HK2: variants seen among roughly 807,000 people sequenced by gnomAD.
HK2 encodes the protein hexokinase 2, also known as hexokinase-2.
In HK2, 42 loss-of-function variants were observed where a neutral mutation model predicts 92.9. The observed-to-expected ratio is 0.45, with a 90% confidence interval of 0.35 to 0.58. HK2 has a LOEUF of 0.58. Ranked by LOEUF, HK2 falls within the 20% of genes least tolerant of loss-of-function variation. HK2 has a pLI of 0.00. For synonymous variants in HK2, 422 were observed against 468.0 expected (o/e 0.90, Z 1.27); for missense variants, 978 against 1,245.1 (o/e 0.79, Z 3.23).
chr2:74,849,054 G>A (rs1553446165), intron 1 of HK2, among the ~76,000 whole-genome samples: 1 of 152,312 alleles, frequency 6.6e-6, no homozygotes, highest in Admixed American at 6.5e-5. Flanking sequence ...TGCATACTTC[G>A]AAGTGGAGCC....
chr2:74,856,996 T>C (rs2103896304), intron 2 of HK2, among the ~76,000 whole-genome samples: 1 of 152,322 alleles, frequency 6.6e-6, no homozygotes, highest in Non-Finnish European at 1.5e-5. Context: ...CTTTCAAAAT[T>C]CTCATTGCTT....
intron 16 of HK2, among the ~76,000 whole-genome samples, 195 bp from the exon 17 acceptor site, chr2:74,889,050 C>T (rs964908547): frequency 3.3e-5 from 5 of 152,160 alleles, no homozygotes; most frequent in Admixed American, 2.0e-4. Flanking sequence ...TTCCTGTCAC[C>T]GTCAGGAAGA....
intron 3 of HK2, among the ~76,000 whole-genome samples, chr2:74,871,817 A>G (rs545065376): frequency 1.3e-5 from 2 of 152,280 alleles, no homozygotes; most frequent in African/African-American, 4.8e-5. Context: ...TGTCCCTGCA[A>G]ACCACCCCCC....
At chr2:74,846,014 G>T (rs933906970) in intron 1 of HK2, among the ~76,000 whole-genome samples, 1 of 152,228 alleles carries the variant, frequency 6.6e-6, no homozygotes, top group Non-Finnish European at 1.5e-5. Context: ...TAGGGCACTC[G>T]GCTGGTCACT....
intron 2 of HK2, among the ~76,000 whole-genome samples, chr2:74,864,514 G>GTT (rs34286902): frequency 6.7e-6 from 1 of 149,756 alleles, no homozygotes; most frequent in East Asian, 1.9e-4. Context: ...TCATTTGTTT[G>GTT]TTTTTTTTTT....
chr2:74,871,408 T>A (rs948130960), intron 3 of HK2, among the ~76,000 whole-genome samples: 102 of 152,234 alleles, frequency 6.7e-4, no homozygotes, highest in African/African-American at 2.2e-3. Flanking sequence ...CTCTGCTTAC[T>A]TTTTACACCT....
chr2:74,881,988 T>C (rs1689407174), intron 11 of HK2, 129 bp downstream of exon 11: 1 of 1,406,288 alleles, frequency 7.1e-7, no homozygotes, highest in Non-Finnish European at 1.0e-6. Flanking sequence ...CAGCCTGGTC[T>C]TGACTCAGGT....
In HK2 at chr2:74,860,550, A is replaced by G. The variant is rs1480887524; in HGVS notation, c.226+6095A>G. ...TTATGCAAGTCTTTTTTTATTTGTC[A>G]TAATGTGGGATTTATCTGTGTTGTG... On this transcript the variant is annotated intron_variant, in intron 2 of 17. Transcript: ENST00000290573. 5.9e-5 allele frequency among the ~76,000 whole-genome samples: 9 copies of G among 152,114 alleles called. No individual in the cohort carries two copies. In the East Asian group the frequency reaches 1.7e-3, roughly 29 times the overall value.
At chr2:74,841,489 G>C (rs987902727) in intron 1 of HK2, among the ~76,000 whole-genome samples, 1 of 152,140 alleles carries the variant, frequency 6.6e-6, no homozygotes, top group East Asian at 1.9e-4. Context: ...TCAGTTTTCA[G>C]GTGTATTGCT....
intron 2 of HK2, among the ~76,000 whole-genome samples, chr2:74,857,715 T>C (rs1045489672): frequency 6.6e-6 from 1 of 152,160 alleles, no homozygotes; most frequent in African/African-American, 2.4e-5. Context: ...CAAGTTTTGC[T>C]TTGTCAGTTG....
chr2:74,888,676 A>G (rs1689598512), intron 16 of HK2, among the ~76,000 whole-genome samples: 1 of 152,256 alleles, frequency 6.6e-6, no homozygotes, highest in South Asian at 2.1e-4. Context: ...CAGTGAATAG[A>G]AAGATATATT....
chr2:74,881,883 A>C (rs1479912876), intron 11 of HK2, 24 bp downstream of exon 11: 1 of 1,612,668 alleles, frequency 6.2e-7, no homozygotes, highest in Non-Finnish European at 8.5e-7. Flanking sequence ...CGCCTTCAGG[A>C]GGGGGCCCCT....
chr2:74,863,028 G>A (rs4853066), intron 2 of HK2, among the ~76,000 whole-genome samples: 28,553 of 152,232 alleles, frequency 0.19, 3,084 homozygotes, highest in Admixed American at 0.32. Context: ...AACATGCTCA[G>A]AGCTTACACA....
chr2:74,862,659 G>A (rs1018855829), intron 2 of HK2, among the ~76,000 whole-genome samples: 2 of 152,218 alleles, frequency 1.3e-5, no homozygotes, highest in African/African-American at 4.8e-5. Flanking sequence ...CTAGCACACA[G>A]CAAGTTAATT....
intron 1 of HK2, among the ~76,000 whole-genome samples, chr2:74,848,976 C>T (rs1362026421): frequency 1.3e-5 from 2 of 152,262 alleles, no homozygotes; most frequent in Admixed American, 6.5e-5. Context: ...CTTGCAGTCA[C>T]CTCCAGGCCT....
At chr2:74,875,651 G>A (rs910533924) in intron 7 of HK2, among the ~76,000 whole-genome samples, 1 of 152,154 alleles carries the variant, frequency 6.6e-6, no homozygotes, top group African/African-American at 2.4e-5. Flanking sequence ...CTTTGTCAAA[G>A]CATGGTTTAT....
chr2:74,885,588 A>G lies in HK2; in HGVS notation c.1934A>G (p.Glu645Gly). 6.2e-7 allele frequency: 1 copy of G among 1,606,426 alleles called. No homozygotes were observed. Among genetic ancestry groups the G allele is most frequent in the Non-Finnish European group, 8.5e-7 (1 of 1,173,102 alleles). Reference sequence around the variant, plus strand: ...CTGAAGGAAGCGATCCACCGGCGAGAGGTAGGAGACACATGGCACGAGGTC... The same window carrying G: ...CTGAAGGAAGCGATCCACCGGCGAGGGGTAGGAGACACATGGCACGAGGTC... ...TLLKEAIHRR[E>G]EFDLDVVAVV... is the part of the protein sequence containing the mutation. Residue 645 changes from glutamate to glycine, a missense_variant and splice_region_variant, in exon 13 of 18, where the codon GAG (glutamate) becomes GGG (glycine). Coordinates refer to ENST00000290573, the MANE Select transcript of HK2 (RefSeq NM_000189.5).
intron 1 of HK2, among the ~76,000 whole-genome samples, chr2:74,850,990 T>G (rs935519841): frequency 2.6e-5 from 4 of 152,208 alleles, no homozygotes; most frequent in African/African-American, 9.6e-5. Context: ...GGCCTGGACA[T>G]TTTTCACTGT....
chr2:74,883,123 T>G (rs963692807), intron 12 of HK2, among the ~76,000 whole-genome samples: 1 of 152,084 alleles, frequency 6.6e-6, no homozygotes, highest in African/African-American at 2.4e-5. Flanking sequence ...TGGAGACTGT[T>G]TTTAAGCAGT....
Sources: gnomAD v4.1 joint callset for allele counts (sites outside exome capture counted in the v4.1 genomes callset) on GRCh38, gnomAD v4.1.1 for gene constraint, MANE v1.5 for transcripts, NCBI Gene and HGNC (gene_info 2026-07-23, HGNC 2026-07-21) for gene names.